CACNB4: variants seen among roughly 807,000 people sequenced by gnomAD.
CACNB4 encodes the protein voltage-dependent L-type calcium channel subunit beta-4.
Under a neutral mutation model 71.2 loss-of-function variants are expected in CACNB4, and 32 were observed. The ratio of observed to expected loss-of-function variants is 0.45; its 90% CI spans 0.34 to 0.60. The LOEUF is 0.60. CACNB4 is among the 20% of genes least tolerant of loss of function. CACNB4 has a pLI of 0.01. For synonymous variants in CACNB4, 231 were observed against 236.9 expected (o/e 0.97, Z 0.23); for missense variants, 464 against 647.9 (o/e 0.72, Z 3.08).
At chr2:151,881,879 C>CT (rs34072100) in intron 3 of CACNB4, among the ~76,000 whole-genome samples, 3,515 of 133,010 alleles carry the variant, frequency 0.026, 128 homozygotes, top group African/African-American at 0.081. Flanking sequence ...CTCCTCCCAT[C>CT]TTTTTTTTTT....
intron 2 of CACNB4, among the ~76,000 whole-genome samples, chr2:152,035,972 G>A (rs769920255): frequency 1.1e-4 from 16 of 152,114 alleles, no homozygotes; most frequent in Admixed American, 5.2e-4. Context: ...GGCGTATGCA[G>A]ACAATATTAT....
chr2:151,901,195 G>A (rs2099853347), intron 2 of CACNB4, among the ~76,000 whole-genome samples: 1 of 151,812 alleles, frequency 6.6e-6, no homozygotes, highest in South Asian at 2.1e-4. Context: ...ATGTTGCCCA[G>A]GCTGGTCCTG....
chr2:151,975,751 C>T lies in CACNB4; in HGVS notation c.148-92381G>A, dbSNP rs920344461. 5.9e-5 allele frequency among the ~76,000 whole-genome samples: 9 copies of T among 152,174 alleles called. No homozygotes were observed. In the South Asian group the frequency reaches 6.2e-4, roughly 11 times the overall value. ...TATTAACTCTCTAATTACAGCCATA[C>T]GGTATTTCAACCAGAATCAACAGAA... On this transcript the variant is annotated intron_variant, in intron 2 of 13. Coordinates refer to ENST00000539935, the MANE Select transcript of CACNB4 (RefSeq NM_000726.5).
chr2:151,866,838 C>T lies in CACNB4; in HGVS notation c.758+2339G>A, dbSNP rs1209089378. 3 of 150,486 alleles carry T rather than the reference C, an allele frequency of 2.0e-5. No individual in the cohort carries two copies. The East Asian group carries it at 7.3e-4, about 37-fold the overall frequency. The allele number at this position is 150,486 out of a possible 1,614,324, so 9.3% of individuals were successfully genotyped here. A position where few individuals can be genotyped will look rare whatever the true frequency, so the allele number is the denominator to read the frequency against. ...CTTTTGCTACTGCTGGGCTCTTCCT[C>T]CAGACCCTCTGCCATGTCATCAGAC... On this transcript the variant is annotated intron_variant, in intron 9 of 13. Transcript: ENST00000539935.
chr2:152,044,434 G>T (rs938082875), intron 2 of CACNB4, among the ~76,000 whole-genome samples: 1 of 152,108 alleles, frequency 6.6e-6, no homozygotes, highest in Non-Finnish European at 1.5e-5. Flanking sequence ...TGGTCAGGCT[G>T]GTCTGGAACT....
chr2:151,941,785 T>G (rs1297921574), intron 2 of CACNB4, among the ~76,000 whole-genome samples: 1 of 152,226 alleles, frequency 6.6e-6, no homozygotes, highest in African/African-American at 2.4e-5. Context: ...TAAGGTTATG[T>G]GCTAAATTGT....
intron 2 of CACNB4, among the ~76,000 whole-genome samples, chr2:152,089,687 T>C (rs563642021): frequency 6.6e-6 from 1 of 151,914 alleles, no homozygotes; most frequent in South Asian, 2.1e-4. Context: ...ATCCCAACAC[T>C]TTGGGAGGCT....
At chr2:152,037,463 A>G (rs1266074851) in intron 2 of CACNB4, among the ~76,000 whole-genome samples, 2 of 152,246 alleles carry the variant, frequency 1.3e-5, no homozygotes, top group African/African-American at 4.8e-5. Flanking sequence ...CCGTTCTTAA[A>G]TCTACTTACA....
At chr2:152,097,036 A>T (rs1483770683) in intron 2 of CACNB4, among the ~76,000 whole-genome samples, 1 of 152,262 alleles carries the variant, frequency 6.6e-6, no homozygotes, top group Non-Finnish European at 1.5e-5. Context: ...CAAATACATA[A>T]TCTAAATACT....
At chr2:152,058,691 C>T (rs1685850426) in intron 2 of CACNB4, among the ~76,000 whole-genome samples, 1 of 152,164 alleles carries the variant, frequency 6.6e-6, no homozygotes, top group Non-Finnish European at 1.5e-5. Context: ...GAAGAAAAAC[C>T]CATTTTCTGG....
intron 13 of CACNB4, 150 bp downstream of exon 13, chr2:151,841,753 T>C: frequency 1.6e-6 from 1 of 640,106 alleles, no homozygotes; most frequent in South Asian, 2.2e-5. Flanking sequence ...GGATAGATCA[T>C]AATTAGATAA....
At chr2:151,977,051 C>CG (rs905705052) in intron 2 of CACNB4, among the ~76,000 whole-genome samples, 1 of 152,156 alleles carries the variant, frequency 6.6e-6, no homozygotes, top group African/African-American at 2.4e-5. Flanking sequence ...CTACTTCTCC[C>CG]ACCTGAGGTT....
At chr2:152,046,566 C>T (rs1685151024) in intron 2 of CACNB4, among the ~76,000 whole-genome samples, 1 of 152,178 alleles carries the variant, frequency 6.6e-6, no homozygotes, top group African/African-American at 2.4e-5. Context: ...TAATTCTCCA[C>T]CGTGACTACT....
At chr2:151,842,394 G>A (rs966969187) in intron 12 of CACNB4, among the ~76,000 whole-genome samples, 18 of 132,590 alleles carry the variant, frequency 1.4e-4, no homozygotes, top group Non-Finnish European at 1.8e-4. Context: ...GCAATGGCAC[G>A]ATCTCGGCTC....
intron 2 of CACNB4, chr2:151,971,349 T>C (rs961426913): frequency 6.7e-6 from 4 of 599,980 alleles, no homozygotes; most frequent in African/African-American, 5.6e-5. Context: ...CACAAAGACA[T>C]TTTCAACAGC....
chr2:152,032,522 G>A (rs1413902077), intron 2 of CACNB4, among the ~76,000 whole-genome samples: 1 of 152,022 alleles, frequency 6.6e-6, no homozygotes, highest in Non-Finnish European at 1.5e-5. Context: ...CACAAATAGA[G>A]ACTATGGTTT....
intron 2 of CACNB4, among the ~76,000 whole-genome samples, chr2:152,020,089 C>G (rs1027163435): frequency 6.6e-6 from 1 of 152,244 alleles, no homozygotes; most frequent in African/African-American, 2.4e-5. Flanking sequence ...ATTCCCAAAT[C>G]AATGTCTCTG....
intron 9 of CACNB4, among the ~76,000 whole-genome samples, chr2:151,865,478 A>G (rs1217648136): frequency 6.6e-6 from 1 of 152,224 alleles, no homozygotes; most frequent in East Asian, 1.9e-4. Context: ...CCAGTTGTCA[A>G]AAGCCTAAAG....
intron 2 of CACNB4, among the ~76,000 whole-genome samples, chr2:152,008,812 T>C (rs926386712): frequency 1.2e-4 from 19 of 152,218 alleles, no homozygotes; most frequent in Non-Finnish European, 4.4e-5. Context: ...ATGCAAAATC[T>C]CAGGCCCTGC....
Sources: allele counts gnomAD v4.1 joint callset (sites outside exome capture counted in the v4.1 genomes callset), GRCh38; gene constraint gnomAD v4.1.1; transcripts MANE v1.5; gene names NCBI Gene and HGNC (gene_info 2026-07-23, HGNC 2026-07-21).